The following LMAN2L variants were observed in gnomAD, a reference collection of about 807,000 sequenced individuals.
LMAN2L encodes the protein lectin, mannose binding 2 like.
Under a neutral mutation model 44.3 loss-of-function variants are expected in LMAN2L, and 30 were observed. The observed-to-expected ratio is 0.68, with a 90% CI of 0.51 to 0.92. LMAN2L has a LOEUF of 0.92. LMAN2L is among the 40% of genes least tolerant of loss of function. The pLI is 0.00. For missense variants in LMAN2L, 429 were observed against 446.1 expected (o/e 0.96, Z 0.35); for synonymous variants, 183 against 171.1 (o/e 1.07, Z -0.54).
rs533628545 is a variant in LMAN2L, at chr2:96,739,718, G to A, written c.187+136C>T. On this transcript the variant is annotated intron_variant, in intron 1 of 7. Transcript: ENST00000264963. ...CAGACCTGTGGCTCCCAAACGCGGA[G>A]GGAGTCTCCGTGGGCCCCACCACCG... The A allele has an allele frequency of 1.4e-4, 123 of 850,070 alleles. 2 individuals carry two copies. The highest frequency in any genetic ancestry group is 1.3e-3 in the South Asian group (83 of 64,978). The allele number at this position is 850,070 out of a possible 1,614,324, so 52.7% of individuals were successfully genotyped here. A position where few individuals can be genotyped will look rare whatever the true frequency, so the allele number is the denominator to read the frequency against.
Position 96,707,754 on chromosome 2 carries a change from A to G in LMAN2L, c.864T>C (p.Asp288=), listed in dbSNP as rs545934162. Residue 288 remains aspartate, a synonymous_variant, in exon 7 of 8, where the codon GAT becomes GAC. Transcript: ENST00000264963. The stretch of plus-strand genomic sequence containing the variant: ...TATTGTCCACTGAGGGCAAGAACAC[A>G]TCTCGATGGAGCTTTTCCTCTTCTG... The part of the protein sequence containing the change: ...RTPEEEKLHR[D]VFLPSVDNMK... 1.2e-6 allele frequency: 2 copies of G among 1,614,116 alleles called. No homozygotes were observed. The highest frequency in any genetic ancestry group is 1.7e-5 in the Admixed American group (1 of 60,008).
At chr2:96,713,810 C>A (rs989713840) in intron 4 of LMAN2L, among the ~76,000 whole-genome samples, 2 of 152,210 alleles carry the variant, frequency 1.3e-5, no homozygotes, top group Non-Finnish European at 2.9e-5. Context: ...GGAGGCATTG[C>A]AGAATGACAG....
intron 2 of LMAN2L, among the ~76,000 whole-genome samples, chr2:96,735,118 C>A (rs1279522172): frequency 1.3e-5 from 2 of 152,214 alleles, no homozygotes; most frequent in African/African-American, 4.8e-5. Context: ...AAGTTACAGT[C>A]CCCAAACCCT....
rs142251037 is a variant in LMAN2L at position 96,711,989 on chromosome 2, C to T, written c.544G>A (p.Gly182Ser). Residue 182 changes from glycine (G) to serine (S), a missense_variant, in exon 5 of 8, where the codon GGC becomes AGC. By Grantham distance (56) the Gly-to-Ser change is moderately conservative. Coordinates refer to ENST00000264963, the MANE Select transcript of LMAN2L (RefSeq NM_030805.4). The stretch of plus-strand genomic sequence containing the variant: ...CGCTCATGATCATAGCTGAGGGAGC[C>T]GTTGTTCACCATGGCTGAGATGTAG... ...FPYISAMVNN[G>S]SLSYDHERDG... The T allele has an allele frequency of 1.2e-5, 19 of 1,614,160 alleles. No homozygotes were observed. In the Middle Eastern group the frequency reaches 6.6e-4, roughly 56 times the overall value.
chr2:96,734,746 C>A, intron 2 of LMAN2L: 1 of 532,702 alleles, frequency 1.9e-6, no homozygotes. Context: ...ATAAACCTCC[C>A]GATTATCTTC....
intron 4 of LMAN2L, among the ~76,000 whole-genome samples, chr2:96,731,457 T>TG (rs2078394489): frequency 6.6e-6 from 1 of 152,088 alleles, no homozygotes; most frequent in Non-Finnish European, 1.5e-5. Flanking sequence ...GAGACCATCC[T>TG]GGCCAACATG....
intron 4 of LMAN2L, among the ~76,000 whole-genome samples, chr2:96,726,854 C>T (rs1384341986): frequency 6.6e-6 from 1 of 151,948 alleles, no homozygotes; most frequent in African/African-American, 2.4e-5. Flanking sequence ...GAGGTCGAGG[C>T]GGGCAGATCA....
At chr2:96,739,376 AC>A (rs760432229) in intron 1 of LMAN2L, among the ~76,000 whole-genome samples, 13 of 152,006 alleles carry the variant, frequency 8.6e-5, no homozygotes, top group Non-Finnish European at 1.8e-4. Context: ...GTGAACCCTA[AC>A]CTCTTTCACC....
intron 6 of LMAN2L, 47 bp from the exon 7 acceptor site, chr2:96,707,880 G>A (rs774811208): frequency 1.9e-6 from 3 of 1,600,084 alleles, no homozygotes; most frequent in Non-Finnish European, 2.6e-6. Context: ...TGAAAAAGAG[G>A]TATGTTTCTT....
chr2:96,731,156 A>G (rs1391876944), intron 4 of LMAN2L, among the ~76,000 whole-genome samples: 1 of 152,192 alleles, frequency 6.6e-6, no homozygotes, highest in African/African-American at 2.4e-5. Context: ...AGTGCCCCAG[A>G]GTTCCCCCAT....
intron 4 of LMAN2L, among the ~76,000 whole-genome samples, chr2:96,718,290 A>C (rs1008869637): frequency 1.3e-5 from 2 of 152,186 alleles, no homozygotes; most frequent in Non-Finnish European, 2.9e-5. Flanking sequence ...TAAGCACAAA[A>C]TTATTATCAA....
At chr2:96,713,087 ATGAGCCAAGAAC>A in intron 4 of LMAN2L, 1 of 1,549,246 alleles carries the variant, frequency 6.5e-7, no homozygotes, top group Non-Finnish European at 8.7e-7. Flanking sequence ...GATGCTCATG[ATGAGCCAAGAAC>A]TGAGTACCTG....
intron 4 of LMAN2L, among the ~76,000 whole-genome samples, chr2:96,713,380 G>C (rs1329525484): frequency 6.6e-6 from 1 of 152,182 alleles, no homozygotes; most frequent in Non-Finnish European, 1.5e-5. Flanking sequence ...GAGAGGGTCT[G>C]TTACTATATC....
At position 96,731,159 on chromosome 2, in the gene LMAN2L, TC is replaced by T. The variant is rs527367842; in HGVS notation, c.507+2359del. ...GTGTCCTCCCATAGTGCCCCAGAGT[TC>T]CCCCATCAGCATTCTCAGTGCTACT... On this transcript the variant is annotated intron_variant, in intron 4 of 7. Transcript: ENST00000264963. 7.2e-5 allele frequency among the ~76,000 whole-genome samples: 11 copies of T among 152,264 alleles called. No homozygotes were observed. In the East Asian group the frequency reaches 2.1e-3, roughly 29 times the overall value.
intron 4 of LMAN2L, among the ~76,000 whole-genome samples, chr2:96,713,905 C>A (rs560213772): frequency 6.6e-6 from 1 of 152,338 alleles, no homozygotes; most frequent in African/African-American, 2.4e-5. Flanking sequence ...CAAGAGGTAC[C>A]TACACAAGCT....
Position 96,737,269 on chromosome 2 carries a change from C to T in LMAN2L, c.306+680G>A, listed in dbSNP as rs545097920. ...TAAAATGACCAACAGCTCAGAGTGG[C>T]TTTCACATGAAAATAAAATTTTATA... is the stretch of plus-strand genomic sequence containing the variant. On this transcript the variant is annotated intron_variant, in intron 2 of 7. Coordinates refer to ENST00000264963, the MANE Select transcript of LMAN2L (RefSeq NM_030805.4). 29 of 399,392 alleles carry T rather than the reference C, an allele frequency of 7.3e-5. No individual in the cohort carries two copies. In the Admixed American group the frequency reaches 9.1e-4, roughly 13 times the overall value. The allele number at this position is 399,392 out of a possible 1,614,324, so 24.7% of individuals were successfully genotyped here. A position where few individuals can be genotyped will look rare whatever the true frequency, so the allele number is the denominator to read the frequency against.
At chr2:96,708,209 G>T (rs186107575) in intron 6 of LMAN2L, among the ~76,000 whole-genome samples, 123 of 152,362 alleles carry the variant, frequency 8.1e-4, no homozygotes, top group Middle Eastern at 6.8e-3. Context: ...TCTGTACTGA[G>T]GCTGGGCAGC....
At chr2:96,725,619 A>G (rs1469917095) in intron 4 of LMAN2L, among the ~76,000 whole-genome samples, 1 of 148,156 alleles carries the variant, frequency 6.7e-6, no homozygotes, top group African/African-American at 2.5e-5. Context: ...ATTTTTTTGT[A>G]TTTTTTTAGT....
In LMAN2L at chr2:96,707,292, G is replaced by A; in HGVS notation, c.1011C>T (p.Asn337=). The change falls in exon 8 of 8, where the codon AAC becomes AAT. Residue 337 remains asparagine (N), a synonymous_variant. Coordinates refer to ENST00000264963, the MANE Select transcript of LMAN2L (RefSeq NM_030805.4). Reference sequence around the variant, plus strand: ...GCTTTCGGCTCTGTTCCTGCCATTTGTTGTAGAGTATGATACCAATGACTA... The same window carrying A: ...GCTTTCGGCTCTGTTCCTGCCATTTATTGTAGAGTATGATACCAATGACTA... ...FAIVIGIILY[N]KWQEQSRKRF... The A allele has an allele frequency of 6.2e-7, 1 of 1,614,128 alleles. No homozygotes were observed. Among genetic ancestry groups the A allele is most frequent in the Non-Finnish European group, 8.5e-7 (1 of 1,179,996 alleles).
Sources: gnomAD v4.1 joint callset for allele counts (sites outside exome capture counted in the v4.1 genomes callset) on GRCh38, gnomAD v4.1.1 for gene constraint, MANE v1.5 for transcripts, NCBI Gene and HGNC (gene_info 2026-07-23, HGNC 2026-07-21) for gene names.